The following MYO5A variants were observed in gnomAD, a reference collection of about 807,000 sequenced individuals.
The protein encoded by MYO5A is myosin VA.
MYO5A carries 98 observed loss-of-function variants against 249.7 expected under a neutral mutation model. The observed-to-expected ratio is 0.39, with a 90% CI of 0.33 to 0.46. MYO5A has a LOEUF of 0.46. MYO5A is among the 20% of genes least tolerant of loss of function. The probability of loss-of-function intolerance (pLI) is 0.98; values close to 1 mark genes in which losing one functional copy is unlikely to be tolerated. For missense variants in MYO5A, 1,696 were observed against 2,308.8 expected (o/e 0.73, Z 5.44); for synonymous variants, 778 against 810.6 (o/e 0.96, Z 0.68).
chr15:52,489,659 A>G (rs2076896617), intron 1 of MYO5A, among the ~76,000 whole-genome samples: 1 of 152,116 alleles, frequency 6.6e-6, no homozygotes, highest in Non-Finnish European at 1.5e-5. Flanking sequence ...TGCAAATCAT[A>G]TATCTGATAA....
chr15:52,380,007 A>C, intron 16 of MYO5A, 99 bp from the exon 17 acceptor site: 3 of 1,159,734 alleles, frequency 2.6e-6, no homozygotes, highest in Non-Finnish European at 3.9e-6. Context: ...GTAAGAGCAA[A>C]ATGGATAAAT....
chr15:52,427,987 C>T (rs1340990855), intron 3 of MYO5A, among the ~76,000 whole-genome samples: 2 of 152,086 alleles, frequency 1.3e-5, no homozygotes, highest in East Asian at 1.9e-4. Context: ...CGAATCACCA[C>T]GAGTCAAGTT....
intron 28 of MYO5A, among the ~76,000 whole-genome samples, chr15:52,350,212 G>GT (rs1567042326): frequency 6.6e-6 from 1 of 152,190 alleles, no homozygotes; most frequent in African/African-American, 2.4e-5. Context: ...GATTACAGGC[G>GT]TGAGCCACCA....
intron 28 of MYO5A, among the ~76,000 whole-genome samples, chr15:52,350,720 G>C (rs1223835927): frequency 1.1e-4 from 16 of 152,124 alleles, no homozygotes; most frequent in Non-Finnish European, 2.4e-4. Flanking sequence ...CTCAGTGCAG[G>C]AGTCCTCTCT....
chr15:52,409,730 A>G (rs556657334), intron 6 of MYO5A, among the ~76,000 whole-genome samples: 39 of 152,350 alleles, frequency 2.6e-4, no homozygotes, highest in Non-Finnish European at 5.0e-4. Flanking sequence ...CTATAAATAT[A>G]TAAATGTATG....
intron 1 of MYO5A, among the ~76,000 whole-genome samples, chr15:52,513,371 C>T (rs1423984283): frequency 1.4e-5 from 2 of 147,074 alleles, no homozygotes; most frequent in African/African-American, 5.0e-5. Context: ...GCAGAGGTTG[C>T]AGTGAGCCGA....
At chr15:52,368,921 C>T (rs752878737) in intron 22 of MYO5A, among the ~76,000 whole-genome samples, 3 of 152,114 alleles carry the variant, frequency 2.0e-5, no homozygotes, top group East Asian at 3.8e-4. Context: ...CTGAGGAATC[C>T]GAAGCTGGAA....
At chr15:52,436,399 G>T (rs2075663970) in intron 1 of MYO5A, among the ~76,000 whole-genome samples, 1 of 152,178 alleles carries the variant, frequency 6.6e-6, no homozygotes, top group African/African-American at 2.4e-5. Flanking sequence ...CTCTTGTTAA[G>T]CCCTCTATAA....
At chr15:52,334,152 A>G (rs2086596769) in intron 34 of MYO5A, among the ~76,000 whole-genome samples, 1 of 152,234 alleles carries the variant, frequency 6.6e-6, no homozygotes, top group Non-Finnish European at 1.5e-5. Flanking sequence ...AAGATTAGTA[A>G]TATCTTAAAA....
chr15:52,375,327 A>G lies in MYO5A; in HGVS notation c.2554T>C (p.Leu852=). 1 of 1,614,168 alleles carries G rather than the reference A, an allele frequency of 6.2e-7. No individual in the cohort carries two copies. The highest frequency in any genetic ancestry group is 8.5e-7 in the Non-Finnish European group (1 of 1,180,000). The change falls in exon 20 of 42, where the codon TTG becomes CTG. Residue 852 remains leucine, a synonymous_variant. Coordinates refer to ENST00000399233, the MANE Select transcript of MYO5A (RefSeq NM_001382347.1). ...ACCTTGCGATACCTATTTCTGGCCA[A>G]GAAGCCTCGCAAGTAAGACTGAAGA... is the stretch of plus-strand genomic sequence containing the variant. ...IVLQSYLRGF[L]ARNRYRKILR...
chr15:52,336,467 T>G lies in MYO5A; in HGVS notation c.4404A>C (p.Leu1468=). The change falls in exon 34 of 42, where the codon CTA becomes CTC. Residue 1468 remains leucine, a synonymous_variant. Coordinates refer to ENST00000399233, the MANE Select transcript of MYO5A (RefSeq NM_001382347.1). ...LKVFAKKIGE[L]EVGQMENISP... is the part of the protein sequence containing the mutation. ...TTGAAAAAAAGGTTTAAATACCTTC[T>G]AGTTCGCCAATTTTTTTGGCAAATA... The G allele has an allele frequency of 6.3e-7, 1 of 1,595,506 alleles. No individual in the cohort carries two copies. Among genetic ancestry groups the G allele is most frequent in the South Asian group, 1.1e-5 (1 of 89,382 alleles).
At chr15:52,493,035 C>T (rs956601469) in intron 1 of MYO5A, among the ~76,000 whole-genome samples, 1 of 149,414 alleles carries the variant, frequency 6.7e-6, no homozygotes, top group Non-Finnish European at 1.5e-5. Flanking sequence ...ATCACCAAGG[C>T]CTGAGGGAAG....
intron 33 of MYO5A, 103 bp downstream of exon 33, chr15:52,337,707 G>T: frequency 1.2e-6 from 1 of 814,642 alleles, no homozygotes; most frequent in Non-Finnish European, 1.9e-6. Context: ...TGAAAATTTT[G>T]AAGAGACTTC....
At chr15:52,440,664 G>A (rs1342409597) in intron 1 of MYO5A, among the ~76,000 whole-genome samples, 2 of 152,286 alleles carry the variant, frequency 1.3e-5, no homozygotes, top group East Asian at 3.9e-4. Flanking sequence ...GCTAACTTGT[G>A]TTTTGTCTGT....
chr15:52,381,112 G>T (rs1184174016), intron 16 of MYO5A, among the ~76,000 whole-genome samples: 1 of 152,178 alleles, frequency 6.6e-6, no homozygotes, highest in African/African-American at 2.4e-5. Context: ...TCGGCCAAAT[G>T]ATTGCTCCTG....
intron 1 of MYO5A, among the ~76,000 whole-genome samples, chr15:52,491,608 C>G (rs2076937178): frequency 3.3e-5 from 5 of 152,176 alleles, no homozygotes; most frequent in Admixed American, 2.0e-4. Context: ...GAGTCAGGCT[C>G]CAAGTGTCAG....
intron 1 of MYO5A, among the ~76,000 whole-genome samples, chr15:52,441,149 A>C (rs570078814): frequency 1.3e-5 from 2 of 152,330 alleles, no homozygotes; most frequent in African/African-American, 4.8e-5. Flanking sequence ...TGTTTTTGGT[A>C]TAAAAAATTC....
At chr15:52,470,254 C>A (rs1020584861) in intron 1 of MYO5A, among the ~76,000 whole-genome samples, 8 of 152,074 alleles carry the variant, frequency 5.3e-5, no homozygotes, top group Non-Finnish European at 1.2e-4. Context: ...CTGAATTAGA[C>A]GTGCTGTGTT....
intron 37 of MYO5A, among the ~76,000 whole-genome samples, chr15:52,321,755 A>G (rs1204684661): frequency 1.3e-5 from 2 of 150,886 alleles, no homozygotes; most frequent in Non-Finnish European, 2.9e-5. Flanking sequence ...AGTCTTCCCA[A>G]TAGCAATGTC....
Sources: allele counts gnomAD v4.1 joint callset (sites outside exome capture counted in the v4.1 genomes callset), GRCh38; gene constraint gnomAD v4.1.1; transcripts MANE v1.5; gene names NCBI Gene and HGNC (gene_info 2026-07-23, HGNC 2026-07-21).